Variants in HMGCLL1 observed in about 807,000 individuals in gnomAD.
HMGCLL1 encodes the protein 3-hydroxymethyl-3-methylglutaryl-CoA lyase, cytoplasmic.
HMGCLL1 carries 36 observed loss-of-function variants against 39.1 expected under a neutral mutation model. The ratio of observed to expected loss-of-function variants is 0.92; its 90% CI spans 0.71 to 1.22. The LOEUF is 1.22. Among genes scored for constraint, HMGCLL1 ranks in the 50% most tolerant of loss-of-function variants. HMGCLL1 has a pLI of 0.00. For synonymous variants in HMGCLL1, 149 were observed against 144.0 expected (o/e 1.03, Z -0.25); for missense variants, 451 against 416.5 (o/e 1.08, Z -0.72).
the HMGCLL1 span, among the ~76,000 whole-genome samples, chr6:55,662,612 G>A: frequency 5.6e-3 from 857 of 151,692 alleles, 9 homozygotes; most frequent in African/African-American, 0.02. Flanking sequence ...TTTTTGCATC[G>A]ATGTTCATCA....
chr6:55,678,772 T>A, the HMGCLL1 span, among the ~76,000 whole-genome samples: 6 of 152,210 alleles, frequency 3.9e-5, no homozygotes, highest in Admixed American at 1.3e-4. Context: ...AGAATTATCT[T>A]TTTTAACCAG....
chr6:55,576,177 A>G (rs1771751823), intron 1 of HMGCLL1, among the ~76,000 whole-genome samples: 1 of 152,212 alleles, frequency 6.6e-6, no homozygotes, highest in Non-Finnish European at 1.5e-5. Context: ...ATAGAAGTCT[A>G]ACAAAAGCTG....
intron 5 of HMGCLL1, among the ~76,000 whole-genome samples, chr6:55,510,415 A>G (rs533976957): frequency 4.0e-5 from 6 of 151,630 alleles, no homozygotes; most frequent in East Asian, 1.9e-4. Flanking sequence ...TGATAGACTG[A>G]ATTAAGAAAA....
chr6:55,652,573 T>C, the HMGCLL1 span, among the ~76,000 whole-genome samples: 1 of 152,130 alleles, frequency 6.6e-6, no homozygotes, highest in South Asian at 2.1e-4. Context: ...AACTCCTGAA[T>C]GATTCTGTGG....
At chr6:55,576,714 G>A (rs547334751) in intron 1 of HMGCLL1, among the ~76,000 whole-genome samples, 18 of 152,206 alleles carry the variant, frequency 1.2e-4, no homozygotes, top group African/African-American at 4.3e-4. Context: ...TAAAATTGCA[G>A]GACTCAGTGA....
At chr6:55,580,617 G>A (rs556989141), upstream of HMGCLL1, among the ~76,000 whole-genome samples, 5 of 151,742 alleles carry the variant, frequency 3.3e-5, no homozygotes, top group African/African-American at 9.7e-5. Context: ...GGGTTTCACC[G>A]CGTTAGCCAG....
At chr6:55,563,674 A>T (rs1332349818) in intron 1 of HMGCLL1, 1 of 310,540 alleles carries the variant, frequency 3.2e-6, no homozygotes, top group Non-Finnish European at 6.3e-6. Flanking sequence ...TGTGGTTTGA[A>T]TAATCAAAGA....
the HMGCLL1 span, among the ~76,000 whole-genome samples, chr6:55,606,839 G>A: frequency 6.6e-6 from 1 of 151,950 alleles, no homozygotes; most frequent in Non-Finnish European, 1.5e-5. Context: ...TAATCACACA[G>A]CACCTTAGAA....
the HMGCLL1 span, among the ~76,000 whole-genome samples, chr6:55,621,075 C>A: frequency 6.6e-6 from 1 of 151,964 alleles, no homozygotes; most frequent in Non-Finnish European, 1.5e-5. Flanking sequence ...CAGTTTTATT[C>A]TTTTTGCTCA....
At chr6:55,628,749 C>G in the HMGCLL1 span, among the ~76,000 whole-genome samples, 3 of 152,024 alleles carry the variant, frequency 2.0e-5, no homozygotes, top group African/African-American at 7.2e-5. Flanking sequence ...GCAGGTCTTT[C>G]CCATGCTGTT....
the HMGCLL1 span, among the ~76,000 whole-genome samples, chr6:55,649,498 A>G: frequency 6.7e-6 from 1 of 149,142 alleles, no homozygotes; most frequent in Non-Finnish European, 1.5e-5. Flanking sequence ...TGCTGCTGTT[A>G]GGATCCTTTC....
At position 55,435,775 on chromosome 6, in the gene HMGCLL1, A is replaced by G; in HGVS notation, c.922-12T>C. Reference sequence around the variant, plus strand: ...TATAGATTCACACCCTGGTGACGAAATGAAGGAATATCAGGAAGGCAGAGG... The same window carrying G: ...TATAGATTCACACCCTGGTGACGAAGTGAAGGAATATCAGGAAGGCAGAGG... On this transcript the variant is annotated splice_polypyrimidine_tract_variant and intron_variant, in intron 8 of 8. Transcript: ENST00000274901. 1 of 1,435,324 alleles carries G rather than the reference A, an allele frequency of 7.0e-7. No individual in the cohort carries two copies. The highest frequency in any genetic ancestry group is 2.4e-5 in the East Asian group (1 of 41,794). 88.9% of individuals were successfully genotyped at this position (1,435,324 alleles called of 1,614,324 possible).
intron 7 of HMGCLL1, among the ~76,000 whole-genome samples, chr6:55,444,449 AGAACCATCC>A (rs1581786888): frequency 1.3e-5 from 2 of 152,048 alleles, no homozygotes; most frequent in Admixed American, 1.3e-4. Context: ...TGAAAATTTG[AGAACCATCC>A]AAATGTCTCA....
chr6:55,625,867 C>T, the HMGCLL1 span, among the ~76,000 whole-genome samples: 8 of 152,160 alleles, frequency 5.3e-5, no homozygotes, highest in South Asian at 2.1e-4. Context: ...GTGACATTAG[C>T]GAAGGAAGAG....
At chr6:55,677,207 G>C in the HMGCLL1 span, among the ~76,000 whole-genome samples, 189 of 152,226 alleles carry the variant, frequency 1.2e-3, no homozygotes, top group Non-Finnish European at 2.2e-3. Context: ...GACCAGCTTG[G>C]GCAATATGGT....
upstream of HMGCLL1, among the ~76,000 whole-genome samples, chr6:55,582,604 A>T (rs1207021424): frequency 1.3e-5 from 2 of 152,144 alleles, no homozygotes; most frequent in Non-Finnish European, 2.9e-5. Context: ...ATCAAATTAT[A>T]CATGTTTCCC....
intron 7 of HMGCLL1, among the ~76,000 whole-genome samples, chr6:55,462,965 TC>T (rs1764640794): frequency 6.6e-6 from 1 of 151,772 alleles, no homozygotes; most frequent in Non-Finnish European, 1.5e-5. Flanking sequence ...ATATGTAGGG[TC>T]AAAACTCACA....
chr6:55,616,262 C>A, the HMGCLL1 span, among the ~76,000 whole-genome samples: 6 of 152,076 alleles, frequency 3.9e-5, no homozygotes, highest in Admixed American at 2.6e-4. Flanking sequence ...TTCATAAACC[C>A]TTGCCTACTG....
chr6:55,495,661 C>A, intron 6 of HMGCLL1, 54 bp from the exon 7 acceptor site: 1 of 1,337,840 alleles, frequency 7.5e-7, no homozygotes, highest in South Asian at 1.6e-5. Context: ...AGACTCAAAC[C>A]CTCTTGTGCC....
Sources: allele counts gnomAD v4.1 joint callset (sites outside exome capture counted in the v4.1 genomes callset), GRCh38; gene constraint gnomAD v4.1.1; transcripts MANE v1.5; gene names NCBI Gene and HGNC (gene_info 2026-07-23, HGNC 2026-07-21).